The following TTLL11 variants were observed in gnomAD, a reference collection of about 807,000 sequenced individuals.
The protein encoded by TTLL11 is tubulin tyrosine ligase like 11.
A neutral mutation model predicts 51.7 loss-of-function variants in TTLL11; 42 were observed. The ratio of observed to expected loss-of-function variants is 0.81; its 90% CI spans 0.64 to 1.05. TTLL11 has a LOEUF of 1.05. Ranked by LOEUF, TTLL11 falls within the 50% of genes least tolerant of loss-of-function variation. The pLI is 0.00. For missense variants in TTLL11, 799 were observed against 940.4 expected (o/e 0.85, Z 1.97); for synonymous variants, 381 against 383.5 (o/e 0.99, Z 0.08).
chr9:122,059,320 T>C (rs1845379363), intron 1 of TTLL11, among the ~76,000 whole-genome samples: 1 of 152,244 alleles, frequency 6.6e-6, no homozygotes, highest in Middle Eastern at 3.2e-3. Context: ...ATTTACTATG[T>C]GCCAGGCATG....
intron 1 of TTLL11, among the ~76,000 whole-genome samples, chr9:122,048,098 T>A (rs1415220689): frequency 6.6e-6 from 1 of 152,156 alleles, no homozygotes; most frequent in Non-Finnish European, 1.5e-5. Context: ...TCTCCCTTCC[T>A]CCAGGGTCTC....
chr9:121,948,529 C>T (rs945884450), intron 6 of TTLL11, among the ~76,000 whole-genome samples: 8 of 152,180 alleles, frequency 5.3e-5, no homozygotes, highest in African/African-American at 1.7e-4. Flanking sequence ...TGCCGCTCTC[C>T]AAGCCCTTCC....
rs1331785449 is a variant in TTLL11, at chr9:121,822,488, G to A, written c.*99C>T. On this transcript the variant is annotated 3_prime_UTR_variant, in exon 9 of 9. Coordinates refer to ENST00000321582, the MANE Select transcript of TTLL11 (RefSeq NM_001139442.2). This position sits in a 1 kb window ranked among gnomAD's most constrained non-coding sequence, Gnocchi z 5.8. ...CGTGGGGACCTCAGCTGGGCCCCTC[G>A]GCAGCCTGCCTGCCATTCCTCTGCA... 9 of 1,216,502 alleles carry A rather than the reference G, an allele frequency of 7.4e-6. No homozygotes were observed. The highest frequency in any genetic ancestry group is 8.8e-6 in the Non-Finnish European group (8 of 910,124). The allele number at this position is 1,216,502 out of a possible 1,614,324, so 75.4% of individuals were successfully genotyped here.
intron 1 of TTLL11, among the ~76,000 whole-genome samples, chr9:122,070,013 G>A (rs72767750): frequency 0.046 from 6,697 of 145,966 alleles, 192 homozygotes; most frequent in African/African-American, 0.08. Flanking sequence ...ACACACACAC[G>A]CGCACACACA....
At chr9:121,988,835 C>G (rs1237172300) in intron 4 of TTLL11, 1 of 377,186 alleles carries the variant, frequency 2.7e-6, no homozygotes, top group East Asian at 4.7e-5. Context: ...CTGACCGCTA[C>G]TAAGCATGTG....
intron 3 of TTLL11, among the ~76,000 whole-genome samples, chr9:122,016,409 G>A (rs1843982071): frequency 1.3e-5 from 2 of 152,194 alleles, no homozygotes; most frequent in South Asian, 4.1e-4. Context: ...GTTACCCAAA[G>A]TCGGTCAAAT....
At chr9:121,828,812 T>C (rs1045207428) in intron 8 of TTLL11, among the ~76,000 whole-genome samples, 2 of 152,046 alleles carry the variant, frequency 1.3e-5, no homozygotes, top group African/African-American at 4.8e-5. Context: ...CCTAAAACCT[T>C]ACAGAGGCTG....
rs539267985 is a variant in TTLL11 at position 122,058,107 on chromosome 9, G to A, written c.463-18739C>T. The stretch of plus-strand genomic sequence containing the variant: ...GGTTTGGAAGAAATGTCAAAGGTGA[G>A]GTAGAATTTGCCAAGTCTAGAAGCC... On this transcript the variant is annotated intron_variant, in intron 1 of 8. Coordinates refer to ENST00000321582, the MANE Select transcript of TTLL11 (RefSeq NM_001139442.2). 7.9e-5 allele frequency among the ~76,000 whole-genome samples: 12 copies of A among 152,346 alleles called. No homozygotes were observed. In the South Asian group the frequency reaches 2.5e-3, roughly 32 times the overall value.
chr9:122,059,415 A>G (rs953600266), intron 1 of TTLL11, among the ~76,000 whole-genome samples: 3 of 152,110 alleles, frequency 2.0e-5, no homozygotes, highest in Admixed American at 1.3e-4. Flanking sequence ...CATTTAACAG[A>G]TGAGGAAACT....
intron 6 of TTLL11, among the ~76,000 whole-genome samples, chr9:121,921,790 G>A (rs1227035250): frequency 1.3e-5 from 2 of 152,210 alleles, no homozygotes; most frequent in Non-Finnish European, 2.9e-5. Context: ...GGCCTGCAAG[G>A]AAGCCTTGGG....
chr9:121,933,611 A>T (rs1205479997), intron 6 of TTLL11, among the ~76,000 whole-genome samples: 15 of 152,238 alleles, frequency 9.9e-5, no homozygotes, highest in Admixed American at 9.8e-4. Context: ...TCACTCATTT[A>T]AAAACAACAA....
At chr9:121,978,207 A>C (rs1842757077) in intron 4 of TTLL11, among the ~76,000 whole-genome samples, 1 of 152,222 alleles carries the variant, frequency 6.6e-6, no homozygotes, top group Non-Finnish European at 1.5e-5. Flanking sequence ...TCTTTTCAAA[A>C]GTCCAATAAA....
chr9:121,825,883 C>CA (rs1017049895), intron 8 of TTLL11, among the ~76,000 whole-genome samples: 29 of 150,752 alleles, frequency 1.9e-4, no homozygotes, highest in South Asian at 8.4e-4. Context: ...ATCTAGAAGA[C>CA]ATTCTAAAAC....
intron 1 of TTLL11, among the ~76,000 whole-genome samples, chr9:122,047,584 G>C (rs58596759): frequency 0.017 from 2,616 of 152,064 alleles, 56 homozygotes; most frequent in African/African-American, 0.06. Flanking sequence ...CAGAGAGAGA[G>C]AGTACATGTT....
At chr9:121,908,911 C>A (rs1840025743) in intron 6 of TTLL11, among the ~76,000 whole-genome samples, 1 of 152,194 alleles carries the variant, frequency 6.6e-6, no homozygotes, top group Admixed American at 6.5e-5. Flanking sequence ...CAAATAAGGT[C>A]ATATTCTGAG....
intron 1 of TTLL11, among the ~76,000 whole-genome samples, chr9:122,046,884 T>C (rs1208632104): frequency 6.6e-6 from 1 of 152,182 alleles, no homozygotes; most frequent in African/African-American, 2.4e-5. Flanking sequence ...CTGAGTTCCA[T>C]CATTGATTCA....
chr9:121,872,884 A>G (rs930481189), intron 6 of TTLL11, among the ~76,000 whole-genome samples: 18 of 152,190 alleles, frequency 1.2e-4, no homozygotes, highest in African/African-American at 3.4e-4. Context: ...AAGGGCTGCA[A>G]TTTTCCTTCT....
chr9:121,933,869 G>A (rs1394035543), intron 6 of TTLL11, among the ~76,000 whole-genome samples: 1 of 152,172 alleles, frequency 6.6e-6, no homozygotes, highest in African/African-American at 2.4e-5. Context: ...CTTTCTTAAA[G>A]GTTAGTTAGT....
At chr9:121,914,245 CCAATGTCACGCAG>C (rs1354723403) in intron 6 of TTLL11, among the ~76,000 whole-genome samples, 1 of 152,200 alleles carries the variant, frequency 6.6e-6, no homozygotes, top group Non-Finnish European at 1.5e-5. Context: ...TCGTCTACAG[CCAATGTCACGCAG>C]CAACAGTAGA....
Sources: gnomAD v4.1 joint callset for allele counts (sites outside exome capture counted in the v4.1 genomes callset) on GRCh38, gnomAD v4.1.1 for gene constraint, Gnocchi (gnomAD v3.1) non-coding constraint, MANE v1.5 for transcripts, NCBI Gene and HGNC (gene_info 2026-07-23, HGNC 2026-07-21) for gene names.